RNF149: variants seen among roughly 807,000 people sequenced by gnomAD.
RNF149 encodes E3 ubiquitin-protein ligase RNF149.
In RNF149, 21 loss-of-function variants were observed where a neutral mutation model predicts 39.0. The ratio of observed to expected loss-of-function variants is 0.54; its 90% CI spans 0.38 to 0.77. The LOEUF is 0.77. Among genes scored for constraint, RNF149 ranks in the 30% least tolerant of loss-of-function variants. The probability of loss-of-function intolerance (pLI) is 0.00; values close to 1 mark genes in which losing one functional copy is unlikely to be tolerated. For missense variants in RNF149, 493 were observed against 534.9 expected (o/e 0.92, Z 0.77); for synonymous variants, 209 against 213.6 (o/e 0.98, Z 0.19).
At chr2:101,273,910 C>T (rs1026240648), downstream of RNF149, among the ~76,000 whole-genome samples, 7 of 152,064 alleles carry the variant, frequency 4.6e-5, no homozygotes, top group Non-Finnish European at 1.0e-4. Flanking sequence ...GAGATATGAC[C>T]GTAATTATTC....
intron 4 of RNF149, among the ~76,000 whole-genome samples, chr2:101,288,089 C>T (rs2104402669): frequency 6.6e-6 from 1 of 152,174 alleles, no homozygotes; most frequent in Non-Finnish European, 1.5e-5. Flanking sequence ...CCTCTACCTC[C>T]CAGGTTCAAG....
intron 4 of RNF149, chr2:101,286,626 T>A (rs1243360328): frequency 6.5e-6 from 1 of 153,440 alleles, no homozygotes; most frequent in Non-Finnish European, 1.5e-5. Context: ...TTTACTCTCT[T>A]ACACAGTTTT....
intron 4 of RNF149, among the ~76,000 whole-genome samples, chr2:101,288,171 A>T (rs568080773): frequency 1.3e-5 from 2 of 151,480 alleles, no homozygotes; most frequent in African/African-American, 2.4e-5. Context: ...CCTTCCTTCA[A>T]GCAACTTCCT....
chr2:101,275,442 T>C (rs1682305662), downstream of RNF149, among the ~76,000 whole-genome samples: 2 of 87,694 alleles, frequency 2.3e-5, no homozygotes, highest in Admixed American at 1.3e-4. Flanking sequence ...TTTTTTTTTT[T>C]TTTTTTTTTT....
At chr2:101,283,759 A>C (rs1016782663) in intron 5 of RNF149, among the ~76,000 whole-genome samples, 2 of 152,190 alleles carry the variant, frequency 1.3e-5, no homozygotes, top group Admixed American at 1.3e-4. Flanking sequence ...TGAGATGAAG[A>C]GTCTTAATTT....
chr2:101,273,390 T>G (rs1158350198), downstream of RNF149: 1 of 469,988 alleles, frequency 2.1e-6, no homozygotes, highest in Non-Finnish European at 4.4e-6. Flanking sequence ...AATATAACAA[T>G]GAAACCTGAT....
chr2:101,282,019 T>C lies in RNF149; in HGVS notation c.999A>G (p.Glu333=). The C allele has an allele frequency of 6.2e-7, 1 of 1,614,030 alleles. No homozygotes were observed. Among genetic ancestry groups the C allele is most frequent in the Non-Finnish European group, 8.5e-7 (1 of 1,179,998 alleles). ...PGDVQEMPAP[E]SPPGRDPAAN... The stretch of plus-strand genomic sequence containing the variant: ...CAGCTGGATCCCTTCCAGGAGGAGA[T>C]TCTGGAGCAGGCATCTCCTGTACAT... The change falls in exon 6 of 7, where the codon GAA becomes GAG. Residue 333 remains glutamate, a synonymous_variant. Transcript: ENST00000295317.
intron 1 of RNF149, among the ~76,000 whole-genome samples, chr2:101,299,566 T>A (rs1301029540): frequency 6.6e-6 from 1 of 152,300 alleles, no homozygotes; most frequent in East Asian, 1.9e-4. Context: ...GCTAGAAGTC[T>A]TTTTTGTAAA....
Position 101,308,352 on chromosome 2 carries a change from G to C in RNF149, c.237C>G (p.Val79=), listed in dbSNP as rs766766021. 4 of 1,601,238 alleles carry C rather than the reference G, an allele frequency of 2.5e-6. No homozygotes were observed. In the South Asian group the frequency reaches 4.4e-5, roughly 18 times the overall value. ...PKEGAHGLVG[V]PWAPGGDLEG... ...CGAGGTCTCCGCCGGGCGCCCACGG[G>C]ACGCCCACCAGGCCATGCGCGCCCT... The change falls in exon 1 of 7, where the codon GTC becomes GTG. Residue 79 remains valine (V), a synonymous_variant. Transcript: ENST00000295317.
intron 2 of RNF149, 183 bp from the exon 3 acceptor site, chr2:101,294,265 C>T (rs1683135002): frequency 2.1e-6 from 1 of 469,036 alleles, no homozygotes; most frequent in African/African-American, 2.0e-5. Flanking sequence ...GCACCAACTT[C>T]ATAAAAAAGC....
chr2:101,308,291 C>T lies in RNF149; in HGVS notation c.298G>A (p.Glu100Lys). The T allele has an allele frequency of 6.3e-7, 1 of 1,579,330 alleles. No individual in the cohort carries two copies. The highest frequency in any genetic ancestry group is 2.4e-5 in the East Asian group (1 of 42,384). The change falls in exon 1 of 7, where the codon GAG becomes AAG. Residue 100 changes from glutamate (E) to lysine (K), a missense_variant. Coordinates refer to ENST00000295317, the MANE Select transcript of RNF149 (RefSeq NM_173647.4). ...CAPDTRFFVPEPGGRGAAPWV... is the reference protein window; with the variant it reads ...CAPDTRFFVPKPGGRGAAPWV... ...GGCGCGGCCCCTCGGCCGCCGGGCT[C>T]GGGCACGAAGAAGCGCGTGTCGGGC...
At chr2:101,301,144 T>C (rs1683437144) in intron 1 of RNF149, among the ~76,000 whole-genome samples, 1 of 152,122 alleles carries the variant, frequency 6.6e-6, no homozygotes, top group African/African-American at 2.4e-5. Flanking sequence ...CAATATTGCT[T>C]GACTAAAAAA....
chr2:101,281,668 T>C, intron 6 of RNF149, 191 bp downstream of exon 6: 1 of 607,402 alleles, frequency 1.6e-6, no homozygotes, highest in Non-Finnish European at 2.9e-6. Flanking sequence ...ACCTGGCTAA[T>C]CTGTGAAGTT....
chr2:101,284,143 G>T (rs1682701367), intron 5 of RNF149, among the ~76,000 whole-genome samples: 2 of 152,210 alleles, frequency 1.3e-5, no homozygotes, highest in Admixed American at 6.5e-5. Flanking sequence ...TGAAAACCAT[G>T]AATATGTGAA....
In RNF149 at chr2:101,295,119, C is replaced by G. The variant is rs957212185; in HGVS notation, c.523G>C (p.Val175Leu). Residue 175 changes from valine (V) to leucine (L), a missense_variant, in exon 2 of 7, where the codon GTG (valine) becomes CTG (leucine). Val to Leu is a conservative substitution (Grantham distance 32). Transcript: ENST00000295317. ...ATCGTTACTGGAATTCCTTTTTGCA[C>G]CAGCTCCAAAATTTCTCTTCCTTTT... ...YPKGREILEL[V>L]QKGIPVTMTI... 6.2e-7 allele frequency: 1 copy of G among 1,614,074 alleles called. No homozygotes were observed. The highest frequency in any genetic ancestry group is 8.5e-7 in the Non-Finnish European group (1 of 1,179,956).
rs1471326905 is a variant in RNF149 at position 101,308,641 on chromosome 2, G to A, written c.-53C>T. 5 of 1,421,406 alleles carry A rather than the reference G, an allele frequency of 3.5e-6. No homozygotes were observed. The highest frequency in any genetic ancestry group is 3.7e-6 in the Non-Finnish European group (4 of 1,084,748). The allele number at this position is 1,421,406 out of a possible 1,614,324, so 88.0% of individuals were successfully genotyped here. A position where few individuals can be genotyped will look rare whatever the true frequency, so the allele number is the denominator to read the frequency against. On this transcript the variant is annotated 5_prime_UTR_variant, in exon 1 of 7. Transcript: ENST00000295317. ...AGTCAGGGTCACGCGCGAGTGCGGT[G>A]CAGTCGAAGAGCAGAGAGAAGCGGA...
At chr2:101,288,491 T>A (rs1446139499) in intron 4 of RNF149, among the ~76,000 whole-genome samples, 3 of 152,050 alleles carry the variant, frequency 2.0e-5, no homozygotes, top group Non-Finnish European at 4.4e-5. Flanking sequence ...AGTGCTGGGA[T>A]TACAGGTGTG....
At position 101,276,132 on chromosome 2, in the gene RNF149, T is replaced by C; in HGVS notation, c.*1106A>G. The C allele has an allele frequency of 3.1e-6, 3 of 961,572 alleles. No homozygotes were observed. The highest frequency in any genetic ancestry group is 3.7e-6 in the Non-Finnish European group (3 of 808,124). The allele number at this position is 961,572 out of a possible 1,614,324, so 59.6% of individuals were successfully genotyped here. ...TATTTTTACCTACAAAGTAAAGATA[T>C]ACAGAATAACTAGGAGCAAGGAAAG... is the stretch of plus-strand genomic sequence containing the variant. On this transcript the variant is annotated 3_prime_UTR_variant, in exon 7 of 7. Coordinates refer to ENST00000295317, the MANE Select transcript of RNF149 (RefSeq NM_173647.4).
At chr2:101,273,364 G>A, downstream of RNF149, 1 of 470,828 alleles carries the variant, frequency 2.1e-6, no homozygotes, top group Non-Finnish European at 4.4e-6. Flanking sequence ...GGAGGAAGGT[G>A]ATTCATGTGG....
Sources: allele counts gnomAD v4.1 joint callset (sites outside exome capture counted in the v4.1 genomes callset), GRCh38; gene constraint gnomAD v4.1.1; transcripts MANE v1.5; gene names NCBI Gene and HGNC (gene_info 2026-07-23, HGNC 2026-07-21).